Variants in NBPF9 observed in about 807,000 individuals in gnomAD.
NBPF9 encodes NBPF member 9, also known as NBPF family member NBPF9.
A neutral mutation model predicts 97.8 loss-of-function variants in NBPF9; 91 were observed. The observed-to-expected ratio is 0.93, with a 90% CI of 0.79 to 1.11. NBPF9 has a LOEUF of 1.11. NBPF9 is among the 50% of genes least tolerant of loss of function. The pLI is 0.00. For synonymous variants in NBPF9, 334 were observed against 359.5 expected, an observed-to-expected ratio of 0.93 and a Z score of 0.80; for missense variants, 992 against 939.5, an observed-to-expected ratio of 1.06 and a Z score of -0.73.
Position 149,076,007 on chromosome 1 carries a change from G to C in NBPF9, c.779-143C>G, listed in dbSNP as rs368442111. 1.0e-4 allele frequency: 75 copies of C among 735,248 alleles called. No homozygotes were observed. In the East Asian group the frequency reaches 1.4e-3, roughly 14 times the overall value. The allele number at this position is 735,248 out of a possible 1,614,324, so 45.5% of individuals were successfully genotyped here. On this transcript the variant is annotated intron_variant, in intron 11 of 29. Coordinates refer to ENST00000584027, the Ensembl canonical transcript of NBPF9. ...CCTGGTTTCACTCTTGTCATCTCCA[G>C]TCTTGATCTCCTTTAAGTCAACTTG...
chr1:149,097,646 A>G (rs1200011323), intron 4 of NBPF9, among the ~76,000 whole-genome samples: 1 of 152,076 alleles, frequency 6.6e-6, no homozygotes, highest in East Asian at 1.9e-4. Flanking sequence ...AAGGATACAA[A>G]CAGGCCATGC....
intron 23 of NBPF9, chr1:149,061,119 C>G (rs1291984979): frequency 1.0e-5 from 4 of 394,008 alleles, no homozygotes; most frequent in East Asian, 9.6e-5. Flanking sequence ...TTTTTGAAGT[C>G]TGGTCCACCT....
At chr1:149,072,636 A>C in intron 14 of NBPF9, 82 bp downstream of exon 14, 1 of 1,521,164 alleles carries the variant, frequency 6.6e-7, no homozygotes, top group Non-Finnish European at 9.1e-7. Flanking sequence ...CCATTGATAC[A>C]ACTGTCATTG....
At chr1:149,099,681 TA>T (rs2082018096) in intron 3 of NBPF9, among the ~76,000 whole-genome samples, 1 of 152,116 alleles carries the variant, frequency 6.6e-6, no homozygotes, top group Non-Finnish European at 1.5e-5. Flanking sequence ...TAGAAAAACA[TA>T]AAAATCATTA....
chr1:149,067,171 A>C, intron 17 of NBPF9, among the ~76,000 whole-genome samples: 1 of 135,382 alleles, frequency 7.4e-6, no homozygotes, highest in Admixed American at 7.2e-5. Context: ...TTACCCACAA[A>C]GGGAAACTCA....
rs144343580 is a variant in NBPF9 at position 149,055,257 on chromosome 1, T to A, written c.*399A>T. On this transcript the variant is annotated 3_prime_UTR_variant, in exon 30 of 30. Coordinates refer to ENST00000584027, the Ensembl canonical transcript of NBPF9. ...AACACTGAAGACACGAAGAATGAGG[T>A]TAGGTTCATTGAAACCAGGGTAACA... 4.7e-3 allele frequency: 1,562 copies of A among 334,504 alleles called. 5 individuals are homozygous for A. The highest frequency in any genetic ancestry group is 8.7e-3 in the Admixed American group (194 of 22,374). 20.7% of individuals were successfully genotyped at this position (334,504 alleles called of 1,614,324 possible). A position where few individuals can be genotyped will look rare whatever the true frequency, so the allele number is the denominator to read the frequency against.
At chr1:149,075,947 G>C (rs2079829695) in intron 11 of NBPF9, 83 bp from the exon 12 acceptor site, 4 of 1,014,000 alleles carry the variant, frequency 3.9e-6, no homozygotes, top group Non-Finnish European at 6.3e-6. Context: ...GGATGTCACT[G>C]GCAGCCTTGT....
intron 2 of NBPF9, among the ~76,000 whole-genome samples, chr1:149,101,781 C>A (rs1343256535): frequency 2.6e-5 from 4 of 152,138 alleles, no homozygotes. Flanking sequence ...TTTGGGAAAA[C>A]GTTCAACAGT....
intron 5 of NBPF9, among the ~76,000 whole-genome samples, chr1:149,084,253 AATAT>A (rs1458409540): frequency 1.4e-5 from 2 of 146,528 alleles, no homozygotes; most frequent in African/African-American, 5.0e-5. Flanking sequence ...ATATATATAT[AATAT>A]ATATACACGT....
At chr1:149,085,055 C>A (rs1363331145) in intron 5 of NBPF9, among the ~76,000 whole-genome samples, 5 of 151,982 alleles carry the variant, frequency 3.3e-5, no homozygotes, top group Non-Finnish European at 5.9e-5. Context: ...CTCCCCACAG[C>A]TTTGCCCACC....
chr1:149,082,732 G>T (rs2080590837), intron 5 of NBPF9, among the ~76,000 whole-genome samples: 1 of 145,046 alleles, frequency 6.9e-6, no homozygotes, highest in Non-Finnish European at 1.5e-5. Context: ...TGGTAGTCAT[G>T]AAGTCATAAA....
At chr1:149,073,296 C>T (rs1350844137) in intron 13 of NBPF9, among the ~76,000 whole-genome samples, 1 of 141,790 alleles carries the variant, frequency 7.1e-6, no homozygotes, top group Non-Finnish European at 1.5e-5. Context: ...AGATACAAAG[C>T]CATGTACAGA....
intron 19 of NBPF9, 106 bp downstream of exon 19, chr1:149,064,325 T>A: frequency 2.6e-6 from 2 of 778,758 alleles, no homozygotes; most frequent in South Asian, 3.1e-5. Flanking sequence ...AATTCATACT[T>A]GTCTGACAAG....
intron 26 of NBPF9, among the ~76,000 whole-genome samples, chr1:149,058,429 G>T (rs2078377827): frequency 3.7e-5 from 2 of 53,350 alleles, no homozygotes; most frequent in South Asian, 1.6e-3. Context: ...CTGGTAGATC[G>T]TTATCCCAAA....
At chr1:149,064,017 GACACACAC>G (rs72022450) in intron 19 of NBPF9, among the ~76,000 whole-genome samples, 1 of 101,746 alleles carries the variant, frequency 9.8e-6, no homozygotes, top group Non-Finnish European at 2.1e-5. Flanking sequence ...CACAGACACA[GACACACAC>G]ACACACACAC....
Position 149,079,568 on chromosome 1 carries a change from G to A in NBPF9, c.279-347C>T, listed in dbSNP as rs587766463. 6.1e-5 allele frequency among the ~76,000 whole-genome samples: 9 copies of A among 147,926 alleles called. 1 individual carries two copies. The South Asian group carries it at 9.0e-4, about 15-fold the overall frequency. On this transcript the variant is annotated intron_variant, in intron 8 of 29. Transcript: ENST00000584027. ...TGAAAATACACATAGTGCATCTTGCGGCCACTAGATACAAAGCCATGTACA... is the reference window on the plus strand; with the variant it reads ...TGAAAATACACATAGTGCATCTTGCAGCCACTAGATACAAAGCCATGTACA...
At chr1:149,082,941 G>C (rs2080618429) in intron 5 of NBPF9, among the ~76,000 whole-genome samples, 1 of 139,012 alleles carries the variant, frequency 7.2e-6, no homozygotes, top group African/African-American at 2.7e-5. Context: ...CACCACGCCT[G>C]GCTAATTTTT....
At chr1:149,072,116 G>A (rs1390680303) in intron 14 of NBPF9, among the ~76,000 whole-genome samples, 3 of 150,238 alleles carry the variant, frequency 2.0e-5, no homozygotes, top group Admixed American at 1.3e-4. Flanking sequence ...AGTGGCTTCT[G>A]CTGTGTTCTT....
At chr1:149,073,316 A>T (rs868935777) in intron 13 of NBPF9, among the ~76,000 whole-genome samples, 1 of 141,390 alleles carries the variant, frequency 7.1e-6, no homozygotes, top group South Asian at 2.4e-4. Flanking sequence ...AAATGAGGCC[A>T]GGGGCAGATG....
Sources: allele counts gnomAD v4.1 joint callset (sites outside exome capture counted in the v4.1 genomes callset), GRCh38; gene constraint gnomAD v4.1.1; transcripts MANE v1.5; gene names NCBI Gene and HGNC (gene_info 2026-07-23, HGNC 2026-07-21).